The following KCNIP4 variants were observed in gnomAD, a reference collection of about 807,000 sequenced individuals.
KCNIP4 encodes potassium voltage-gated channel interacting protein 4.
A neutral mutation model predicts 34.0 loss-of-function variants in KCNIP4; 12 were observed. The observed-to-expected ratio is 0.35, with a 90% CI of 0.23 to 0.57. The LOEUF is 0.57. Ranked by LOEUF, KCNIP4 falls within the 20% of genes least tolerant of loss-of-function variation. The pLI is 0.83. For missense variants in KCNIP4, 238 were observed against 311.7 expected (o/e 0.76, Z 1.78); for synonymous variants, 124 against 102.2 (o/e 1.21, Z -1.29).
intron 3 of KCNIP4, among the ~76,000 whole-genome samples, chr4:20,781,471 G>A (rs1228712333): frequency 6.6e-6 from 1 of 152,184 alleles, no homozygotes; most frequent in African/African-American, 2.4e-5. Flanking sequence ...GGAAGAAAAA[G>A]AGGTTTAATT....
chr4:21,586,481 G>GT (rs1455424795), intron 1 of KCNIP4, among the ~76,000 whole-genome samples: 5 of 152,032 alleles, frequency 3.3e-5, no homozygotes, highest in African/African-American at 1.2e-4. Context: ...TGTTAGGCGT[G>GT]TGGGAGCAGC....
At chr4:21,295,840 A>G (rs976131851) in intron 1 of KCNIP4, among the ~76,000 whole-genome samples, 7 of 152,078 alleles carry the variant, frequency 4.6e-5, no homozygotes, top group Admixed American at 3.9e-4. Context: ...TAGTATATAC[A>G]TTTCTCAAAC....
chr4:21,416,882 T>G (rs1163372550), intron 1 of KCNIP4, among the ~76,000 whole-genome samples: 1 of 152,202 alleles, frequency 6.6e-6, no homozygotes, highest in Non-Finnish European at 1.5e-5. Flanking sequence ...ATCACATGCT[T>G]CCTAGACAGT....
intron 1 of KCNIP4, among the ~76,000 whole-genome samples, chr4:21,070,245 G>A (rs1455068213): frequency 6.6e-6 from 1 of 152,134 alleles, no homozygotes; most frequent in Non-Finnish European, 1.5e-5. Flanking sequence ...ACCCACTGAG[G>A]CATATTTTGG....
intron 1 of KCNIP4, among the ~76,000 whole-genome samples, chr4:21,368,088 G>A (rs539285620): frequency 1.4e-5 from 2 of 147,432 alleles, no homozygotes; most frequent in South Asian, 2.1e-4. Flanking sequence ...TCAGCAAGAT[G>A]TGAGTTTGAA....
chr4:21,061,596 G>A (rs1203510094), intron 1 of KCNIP4, among the ~76,000 whole-genome samples: 1 of 152,058 alleles, frequency 6.6e-6, no homozygotes, highest in Non-Finnish European at 1.5e-5. Flanking sequence ...TTTTAATCAA[G>A]CTGGAACCCT....
chr4:21,363,710 A>G (rs1719452868), intron 1 of KCNIP4, among the ~76,000 whole-genome samples: 1 of 152,162 alleles, frequency 6.6e-6, no homozygotes, highest in Non-Finnish European at 1.5e-5. Flanking sequence ...GTGTGAAACA[A>G]CAGGAGCTCA....
At chr4:21,519,015 G>A (rs1735022997) in intron 1 of KCNIP4, among the ~76,000 whole-genome samples, 1 of 152,012 alleles carries the variant, frequency 6.6e-6, no homozygotes, top group Non-Finnish European at 1.5e-5. Flanking sequence ...TTATCCCACT[G>A]AGCAAACCGA....
At chr4:20,872,047 C>T (rs1200472990) in intron 2 of KCNIP4, among the ~76,000 whole-genome samples, 1 of 152,070 alleles carries the variant, frequency 6.6e-6, no homozygotes, top group Non-Finnish European at 1.5e-5. Flanking sequence ...AATCCACATA[C>T]AGGATTTCTG....
At chr4:21,714,147 G>C (rs1163194082) in intron 1 of KCNIP4, among the ~76,000 whole-genome samples, 1 of 152,054 alleles carries the variant, frequency 6.6e-6, no homozygotes, top group Admixed American at 6.6e-5. Context: ...TGAGATGGTA[G>C]TCCCCTTTGA....
intron 3 of KCNIP4, among the ~76,000 whole-genome samples, chr4:20,806,109 T>C (rs575200891): frequency 1.1e-3 from 160 of 152,232 alleles, no homozygotes; most frequent in Non-Finnish European, 1.6e-3. Context: ...CTTTGCCTGT[T>C]CTACATTTTA....
chr4:20,909,572 C>T (rs909449425), intron 1 of KCNIP4, among the ~76,000 whole-genome samples: 14 of 152,184 alleles, frequency 9.2e-5, no homozygotes, highest in Non-Finnish European at 1.9e-4. Context: ...AACAGTCATG[C>T]TCACATGTTC....
At chr4:21,808,355 C>T (rs1290085933) in intron 1 of KCNIP4, among the ~76,000 whole-genome samples, 1 of 152,122 alleles carries the variant, frequency 6.6e-6, no homozygotes, top group African/African-American at 2.4e-5. Context: ...CCTCCTCAGC[C>T]TACTCGACAT....
intron 2 of KCNIP4, among the ~76,000 whole-genome samples, chr4:20,865,169 G>A (rs1722743641): frequency 1.3e-5 from 2 of 152,048 alleles, no homozygotes; most frequent in Non-Finnish European, 1.5e-5. Context: ...AGGACGTTAT[G>A]GAGTCAGGAC....
intron 1 of KCNIP4, among the ~76,000 whole-genome samples, chr4:21,583,728 A>G (rs1379068208): frequency 1.3e-5 from 2 of 152,142 alleles, no homozygotes; most frequent in African/African-American, 4.8e-5. Context: ...TCTGAGTTCC[A>G]AGCAGGGAAG....
At chr4:21,225,491 A>C (rs1194800052) in intron 1 of KCNIP4, among the ~76,000 whole-genome samples, 3 of 152,158 alleles carry the variant, frequency 2.0e-5, no homozygotes, top group Non-Finnish European at 4.4e-5. Flanking sequence ...AGTTGTGATT[A>C]TAACTATTGT....
At chr4:21,656,371 T>C (rs1747935972) in intron 1 of KCNIP4, 1 of 152,216 alleles carries the variant, frequency 6.6e-6, no homozygotes, top group Non-Finnish European at 1.5e-5. Context: ...AATGATCCTA[T>C]ATTCAAATAA....
chr4:21,417,966 T>A (rs757396919), intron 1 of KCNIP4, among the ~76,000 whole-genome samples: 3 of 152,052 alleles, frequency 2.0e-5, no homozygotes, highest in Admixed American at 6.6e-5. Context: ...AGAAGCAAGA[T>A]CCAATGCTCT....
At chr4:21,145,274 T>A (rs770953985) in intron 1 of KCNIP4, among the ~76,000 whole-genome samples, 4 of 152,168 alleles carry the variant, frequency 2.6e-5, no homozygotes, top group Non-Finnish European at 5.9e-5. Flanking sequence ...TCTTTTTCCA[T>A]TTTTAGTAAA....
Sources: allele counts gnomAD v4.1 joint callset (sites outside exome capture counted in the v4.1 genomes callset), GRCh38; gene constraint gnomAD v4.1.1; transcripts MANE v1.5; gene names NCBI Gene and HGNC (gene_info 2026-07-23, HGNC 2026-07-21).